Variants in ABCB7 observed in about 807,000 individuals in gnomAD.
ABCB7 encodes the protein ATP binding cassette subfamily B member 7.
ABCB7 carries 7 observed loss-of-function variants against 54.4 expected under a neutral mutation model. The ratio of observed to expected loss-of-function variants is 0.13; its 90% CI spans 0.07 to 0.24. The LOEUF (loss-of-function observed/expected upper bound fraction) is 0.24, where lower values mean the gene tolerates loss of function less well. Ranked by LOEUF, ABCB7 falls within the 10% of genes least tolerant of loss-of-function variation. The probability of loss-of-function intolerance (pLI) is 1.00; values close to 1 mark genes in which losing one functional copy is unlikely to be tolerated. For synonymous variants in ABCB7, 218 were observed against 207.1 expected (o/e 1.05, Z -0.45); for missense variants, 356 against 570.4 (o/e 0.62, Z 3.83).
intron 15 of ABCB7, among the ~76,000 whole-genome samples, chrX:75,055,850 C>G (rs760088224): frequency 1.2e-4 from 13 of 107,746 alleles, no homozygotes; most frequent in African/African-American, 4.1e-4. Flanking sequence ...TTATTAGATT[C>G]AGGCTAAATT....
In ABCB7 at chrX:75,155,985, C is replaced by T. The variant is rs1181444253; in HGVS notation, c.168+120G>A. The T allele has an allele frequency of 2.6e-5, 21 of 820,436 alleles. No individual in the cohort carries two copies. The South Asian group carries it at 2.7e-4, about 11-fold the overall frequency. 67.6% of individuals were successfully genotyped at this position (820,436 alleles called of 1,213,427 possible). On this transcript the variant is annotated intron_variant, in intron 1 of 15. Coordinates refer to ENST00000373394, the MANE Select transcript of ABCB7 (RefSeq NM_001271696.3). The stretch of plus-strand genomic sequence containing the variant: ...CGTTAATTTCCTTCACTTACTGCTG[C>T]TCCCAGTTAGCCATGACTTTCTTCT...
chrX:75,071,651 T>C lies in ABCB7; in HGVS notation c.1065A>G (p.Arg355=), dbSNP rs2081364569. Reference sequence around the variant, plus strand: ...CATACGTCTTCAAAAATCCATCATATCTCTGTGCTTCATATCTTTCATTAT... The same window carrying C: ...CATACGTCTTCAAAAATCCATCATACCTCTGTGCTTCATATCTTTCATTAT... ...YFNNERYEAQ[R]YDGFLKTYET... is the part of the protein sequence containing the mutation. The change falls in exon 9 of 16, where the codon AGA becomes AGG. Residue 355 remains arginine (R), a synonymous_variant. Coordinates refer to ENST00000373394, the MANE Select transcript of ABCB7 (RefSeq NM_001271696.3). 8.4e-7 allele frequency: 1 copy of C among 1,192,758 alleles called. No homozygotes were observed. Among genetic ancestry groups the C allele is most frequent in the Non-Finnish European group, 1.1e-6 (1 of 879,516 alleles).
In ABCB7 at chrX:75,073,604, A is replaced by G. The variant is rs191235401; in HGVS notation, c.1032+85T>C. 430 of 749,412 alleles carry G rather than the reference A, an allele frequency of 5.7e-4. 1 individual carries two copies. The African/African-American group carries it at 8.2e-3, about 14-fold the overall frequency. The allele number at this position is 749,412 out of a possible 1,213,427, so 61.8% of individuals were successfully genotyped here. A position where few individuals can be genotyped will look rare whatever the true frequency, so the allele number is the denominator to read the frequency against. On this transcript the variant is annotated intron_variant, in intron 8 of 15. Coordinates refer to ENST00000373394, the MANE Select transcript of ABCB7 (RefSeq NM_001271696.3). ...AGATCATATCCTAACCTGAAGCTCT[A>G]ATTTACAGTACCTATTAAATTAAAT... is the stretch of plus-strand genomic sequence containing the variant.
intron 2 of ABCB7, among the ~76,000 whole-genome samples, chrX:75,114,038 A>C (rs1445675696): frequency 8.9e-6 from 1 of 111,866 alleles, no homozygotes; most frequent in Non-Finnish European, 1.9e-5. Context: ...ACTAAAATAG[A>C]AATAAACTTA....
chrX:75,107,012 C>A (rs2081709034), intron 3 of ABCB7, among the ~76,000 whole-genome samples: 1 of 111,114 alleles, frequency 9.0e-6, no homozygotes, highest in African/African-American at 3.3e-5. Flanking sequence ...CCCTCCCCGA[C>A]ACCGCAGAAG....
At chrX:75,074,062 T>C (rs1291358232) in intron 6 of ABCB7, 106 bp from the exon 7 acceptor site, 2 of 664,548 alleles carry the variant, frequency 3.0e-6, no homozygotes, top group African/African-American at 2.2e-5. Flanking sequence ...AACAAAAATA[T>C]GGTGGCGTGA....
chrX:75,064,370 C>T (rs767006180), intron 13 of ABCB7, among the ~76,000 whole-genome samples: 1 of 111,014 alleles, frequency 9.0e-6, no homozygotes, highest in East Asian at 2.8e-4. Flanking sequence ...TATCTATAAT[C>T]GATACATTTC....
intron 3 of ABCB7, among the ~76,000 whole-genome samples, chrX:75,106,650 T>C (rs1357629943): frequency 1.8e-5 from 2 of 111,808 alleles, no homozygotes; most frequent in African/African-American, 3.3e-5. Context: ...CTGGGTATCT[T>C]CCTAAAGGGA....
At chrX:75,088,580 GA>G (rs1431710207) in intron 4 of ABCB7, among the ~76,000 whole-genome samples, 1 of 111,555 alleles carries the variant, frequency 9.0e-6, no homozygotes, top group Non-Finnish European at 1.9e-5. Flanking sequence ...TGAGCTTGAA[GA>G]CGTATGTCAG....
chrX:75,104,898 T>A (rs2081677913), intron 3 of ABCB7, among the ~76,000 whole-genome samples: 2 of 111,652 alleles, frequency 1.8e-5, no homozygotes, highest in African/African-American at 6.5e-5. Flanking sequence ...TATATGCAAA[T>A]CAATAAATGT....
rs969621420 is a variant in ABCB7 at position 75,141,905 on chromosome X, C to G, written c.168+14200G>C. Among the ~76,000 whole-genome samples the G allele has an allele frequency of 2.7e-5, 3 of 111,078 alleles. No homozygotes were observed. The Admixed American group carries it at 2.9e-4, about 11-fold the overall frequency. Reference sequence around the variant, plus strand: ...ATGTCCAAACGAAACAGGAGCCAACCTAAAAGGATCTCCCAATAGCCCAAA... The same window carrying G: ...ATGTCCAAACGAAACAGGAGCCAACGTAAAAGGATCTCCCAATAGCCCAAA... On this transcript the variant is annotated intron_variant, in intron 1 of 15. Coordinates refer to ENST00000373394, the MANE Select transcript of ABCB7 (RefSeq NM_001271696.3).
intron 1 of ABCB7, among the ~76,000 whole-genome samples, chrX:75,129,412 C>T (rs1022379543): frequency 3.0e-4 from 33 of 109,414 alleles, no homozygotes; most frequent in Admixed American, 1.8e-3. Context: ...CATACGGGCA[C>T]GGGGAGGGGA....
chrX:75,122,252 A>G (rs975590949), intron 1 of ABCB7, among the ~76,000 whole-genome samples: 1 of 112,274 alleles, frequency 8.9e-6, no homozygotes, highest in African/African-American at 3.2e-5. Context: ...TATGGCGACA[A>G]GAGTAACCTC....
chrX:75,152,669 CT>C (rs1181458749), intron 1 of ABCB7, among the ~76,000 whole-genome samples: 1 of 97,755 alleles, frequency 1.0e-5, no homozygotes, highest in Non-Finnish European at 2.1e-5. Context: ...TTTTTTTTTT[CT>C]TTTTTTTGAG....
chrX:75,151,601 G>A (rs2082132571), intron 1 of ABCB7, among the ~76,000 whole-genome samples: 1 of 111,769 alleles, frequency 8.9e-6, no homozygotes, highest in African/African-American at 3.3e-5. Context: ...TACTACACCA[G>A]TAGTAAACTA....
intron 12 of ABCB7, 150 bp downstream of exon 12, chrX:75,068,857 A>G: frequency 2.9e-6 from 2 of 691,407 alleles, no homozygotes; most frequent in Non-Finnish European, 4.3e-6. Context: ...TTTTTTAAAA[A>G]ATCCCTTTTG....
At chrX:75,117,294 A>G (rs1424276995) in intron 1 of ABCB7, among the ~76,000 whole-genome samples, 2 of 110,505 alleles carry the variant, frequency 1.8e-5, no homozygotes, top group Non-Finnish European at 3.8e-5. Flanking sequence ...GTCCAGTAGT[A>G]TCTTTCTGGA....
At chrX:75,087,413 A>C (rs1362638172) in intron 4 of ABCB7, among the ~76,000 whole-genome samples, 1 of 112,466 alleles carries the variant, frequency 8.9e-6, no homozygotes, top group Non-Finnish European at 1.9e-5. Context: ...TTGATCAAAT[A>C]AAATTATTTT....
intron 4 of ABCB7, among the ~76,000 whole-genome samples, chrX:75,081,143 T>A (rs2081452107): frequency 2.7e-5 from 3 of 111,856 alleles, no homozygotes; most frequent in Admixed American, 9.5e-5. Flanking sequence ...ATACTCTACA[T>A]GTCCAGGTTT....
Sources: gnomAD v4.1 joint callset for allele counts (sites outside exome capture counted in the v4.1 genomes callset) on GRCh38, gnomAD v4.1.1 for gene constraint, MANE v1.5 for transcripts, NCBI Gene and HGNC (gene_info 2026-07-23, HGNC 2026-07-21) for gene names.